TRAPPC11: variants seen among roughly 807,000 people sequenced by gnomAD.
TRAPPC11 encodes the protein foie gras homolog.
TRAPPC11 carries 104 observed loss-of-function variants against 151.2 expected under a neutral mutation model. The ratio of observed to expected loss-of-function variants is 0.69; its 90% CI spans 0.59 to 0.81. The LOEUF (loss-of-function observed/expected upper bound fraction) is 0.81, where lower values mean the gene tolerates loss of function less well. TRAPPC11 is among the 30% of genes least tolerant of loss of function. The pLI is 0.00. For synonymous variants in TRAPPC11, 456 were observed against 472.3 expected (o/e 0.97, Z 0.45); for missense variants, 1,230 against 1,349.6 (o/e 0.91, Z 1.39).
intron 2 of TRAPPC11, among the ~76,000 whole-genome samples, chr4:183,665,255 C>T (rs1431905960): frequency 2.0e-5 from 3 of 151,908 alleles, no homozygotes; most frequent in South Asian, 2.1e-4. Context: ...CCACCACGTC[C>T]AGCTAATTTT....
intron 29 of TRAPPC11, among the ~76,000 whole-genome samples, chr4:183,709,825 T>G (rs952091231): frequency 6.6e-6 from 1 of 152,142 alleles, no homozygotes; most frequent in Non-Finnish European, 1.5e-5. Flanking sequence ...TTGGATATCC[T>G]TGTGTTTAAA....
chr4:183,679,426 G>A lies in TRAPPC11; in HGVS notation c.905G>A (p.Cys302Tyr), dbSNP rs776410109. The change falls in exon 9 of 30, where the codon TGT becomes TAT. Residue 302 changes from cysteine (C) to tyrosine (Y), a missense_variant. Physicochemically the swap from Cys to Tyr is radical, Grantham distance 194. Transcript: ENST00000334690. ...CAGTTCCGAAAACACATCGACTTGTGTAAGAAAAAGATTGGAAGTGCAGAG... is the reference window on the plus strand; with the variant it reads ...CAGTTCCGAAAACACATCGACTTGTATAAGAAAAAGATTGGAAGTGCAGAG... Reference protein sequence around the residue: ...IAQFRKHIDLCKKKIGSAELS... With the variant: ...IAQFRKHIDLYKKKIGSAELS... 6.2e-7 allele frequency: 1 copy of A among 1,613,012 alleles called. No homozygotes were observed. Among genetic ancestry groups the A allele is most frequent in the South Asian group, 1.1e-5 (1 of 90,952 alleles).
intron 29 of TRAPPC11, among the ~76,000 whole-genome samples, chr4:183,708,847 T>A (rs1737207272): frequency 6.6e-6 from 1 of 152,240 alleles, no homozygotes; most frequent in Non-Finnish European, 1.5e-5. Flanking sequence ...TGCTTTAAAA[T>A]TGTAATTTGT....
At chr4:183,663,826 G>T (rs201111608) in intron 1 of TRAPPC11, 21 bp from the exon 2 acceptor site, 2 of 1,260,240 alleles carry the variant, frequency 1.6e-6, no homozygotes, top group Admixed American at 2.0e-5. Flanking sequence ...AATTATGAAT[G>T]TATTAACATT....
intron 4 of TRAPPC11, among the ~76,000 whole-genome samples, chr4:183,667,726 T>G (rs1193956745): frequency 2.0e-5 from 3 of 152,198 alleles, no homozygotes; most frequent in Non-Finnish European, 4.4e-5. Flanking sequence ...TTTAGTTATG[T>G]TTTTTGAAAT....
chr4:183,677,538 G>T lies in TRAPPC11; in HGVS notation c.815G>T (p.Gly272Val), dbSNP rs1323878425. Residue 272 changes from glycine (G) to valine (V), a missense_variant, in exon 8 of 30, where the codon GGA (glycine) becomes GTA (valine). Gly to Val is a moderately radical substitution (Grantham distance 109). Transcript: ENST00000334690. The part of the protein sequence containing the change: ...TNILEIKTMA[G>V]FINYKICRLC... ...ATTCTGGAAATTAAGACTATGGCAG[G>T]ATTTATAAACTACAAGGTAATAATT... 3 of 1,580,254 alleles carry T rather than the reference G, an allele frequency of 1.9e-6. No homozygotes were observed. The highest frequency in any genetic ancestry group is 2.6e-6 in the Non-Finnish European group (3 of 1,149,834).
At chr4:183,698,802 A>C (rs933725520) in intron 25 of TRAPPC11, among the ~76,000 whole-genome samples, 6 of 152,144 alleles carry the variant, frequency 3.9e-5, no homozygotes, top group African/African-American at 1.4e-4. Flanking sequence ...TCCCTCGTCC[A>C]GTTGGAGGGG....
chr4:183,705,136 A>G, intron 27 of TRAPPC11, 66 bp downstream of exon 27: 1 of 1,150,832 alleles, frequency 8.7e-7, no homozygotes, highest in Non-Finnish European at 1.3e-6. Context: ...AACCTCTAAG[A>G]GTTTAGTTAT....
At chr4:183,691,717 T>G (rs1004353732) in intron 19 of TRAPPC11, among the ~76,000 whole-genome samples, 1 of 152,104 alleles carries the variant, frequency 6.6e-6, no homozygotes, top group African/African-American at 2.4e-5. Flanking sequence ...TGTAGCTGGC[T>G]TTTGTCATTT....
At chr4:183,667,633 A>G (rs1296189575) in intron 4 of TRAPPC11, among the ~76,000 whole-genome samples, 1 of 152,226 alleles carries the variant, frequency 6.6e-6, no homozygotes, top group African/African-American at 2.4e-5. Context: ...TTTGTAGACC[A>G]AAATATATTT....
intron 5 of TRAPPC11, among the ~76,000 whole-genome samples, chr4:183,671,978 G>C (rs996340280): frequency 6.6e-6 from 1 of 152,196 alleles, no homozygotes; most frequent in Admixed American, 6.5e-5. Flanking sequence ...ACAGATAATT[G>C]TGTGCGTATT....
chr4:183,706,908 A>C lies in TRAPPC11; in HGVS notation c.3157A>C (p.Ser1053Arg). Reference protein sequence around the residue: ...VQDVEISVEPSDAFMFSGLKQ... With the variant: ...VQDVEISVEPRDAFMFSGLKQ... ...AGATGTAGAAATTTCTGTGGAGCCC[A>C]GTGATGCCTTCATGTTCTCAGGTCT... The change falls in exon 28 of 30, where the codon AGT becomes CGT. Residue 1053 changes from serine (S) to arginine (R), a missense_variant. Coordinates refer to ENST00000334690, the MANE Select transcript of TRAPPC11 (RefSeq NM_021942.6). The C allele has an allele frequency of 6.2e-7, 1 of 1,614,192 alleles. No homozygotes were observed. Among genetic ancestry groups the C allele is most frequent in the South Asian group, 1.1e-5 (1 of 91,082 alleles).
intron 13 of TRAPPC11, 26 bp downstream of exon 13, chr4:183,684,249 G>A: frequency 6.2e-7 from 1 of 1,612,784 alleles, no homozygotes; most frequent in Non-Finnish European, 8.5e-7. Flanking sequence ...CGTCACCATT[G>A]CATGCAACTT....
Position 183,684,305 on chromosome 4 carries a change from T to C in TRAPPC11, c.1367T>C (p.Met456Thr). Residue 456 changes from methionine (M) to threonine (T), a missense_variant and splice_region_variant, in exon 14 of 30, where the codon ATG becomes ACG. By Grantham distance (81) the Met-to-Thr change is moderately conservative (BLOSUM62 -1). Coordinates refer to ENST00000334690, the MANE Select transcript of TRAPPC11 (RefSeq NM_021942.6). ...ACATAAATCTTTTTTTCCTTTATAGTGGTTCAGATGGGAGAGGAATATTAT... is the reference window on the plus strand; with the variant it reads ...ACATAAATCTTTTTTTCCTTTATAGCGGTTCAGATGGGAGAGGAATATTAT... The part of the protein sequence containing the change: ...YKCPRMKSHL[M>T]VQMGEEYYYA... 6.2e-7 allele frequency: 1 copy of C among 1,613,692 alleles called. No homozygotes were observed. Among genetic ancestry groups the C allele is most frequent in the Non-Finnish European group, 8.5e-7 (1 of 1,179,620 alleles).
At chr4:183,700,604 T>C (rs561560574) in intron 25 of TRAPPC11, among the ~76,000 whole-genome samples, 1 of 152,226 alleles carries the variant, frequency 6.6e-6, no homozygotes, top group Non-Finnish European at 1.5e-5. Context: ...TGCTATAAAA[T>C]TGGCAGAAGG....
At chr4:183,694,830 T>C in intron 23 of TRAPPC11, 107 bp downstream of exon 23, 2 of 1,114,698 alleles carry the variant, frequency 1.8e-6, no homozygotes, top group Non-Finnish European at 2.5e-6. Flanking sequence ...TTTAGGTGCT[T>C]ATAGTCTGTT....
intron 29 of TRAPPC11, 79 bp from the exon 30 acceptor site, chr4:183,712,521 T>A (rs1419945879): frequency 1.0e-5 from 14 of 1,370,734 alleles, no homozygotes; most frequent in Non-Finnish European, 1.5e-5. Context: ...TTCAAGAATT[T>A]AAAAATCCTT....
chr4:183,684,064 G>T lies in TRAPPC11; in HGVS notation c.1287+10G>T, dbSNP rs190478555. ...AAATGTTGTTCACTCTGTAAGTTTT[G>T]TGTCCAATATAAACTATTTTTTACA... On this transcript the variant is annotated intron_variant, in intron 12 of 29. Coordinates refer to ENST00000334690, the MANE Select transcript of TRAPPC11 (RefSeq NM_021942.6). 3.7e-6 allele frequency: 6 copies of T among 1,612,744 alleles called. No individual in the cohort carries two copies. The Admixed American group carries it at 1.0e-4, about 27-fold the overall frequency.
chr4:183,665,247 A>T (rs895228898), intron 2 of TRAPPC11, among the ~76,000 whole-genome samples: 2 of 151,660 alleles, frequency 1.3e-5, no homozygotes, highest in Non-Finnish European at 2.9e-5. Context: ...GGCGCCCGCC[A>T]CCACGTCCAG....
Sources: allele counts gnomAD v4.1 joint callset (sites outside exome capture counted in the v4.1 genomes callset), GRCh38; gene constraint gnomAD v4.1.1; transcripts MANE v1.5; gene names NCBI Gene and HGNC (gene_info 2026-07-23, HGNC 2026-07-21).